Variants in DNER observed in about 807,000 individuals in gnomAD.
DNER encodes delta and Notch-like epidermal growth factor-related receptor.
A neutral mutation model predicts 78.2 loss-of-function variants in DNER; 33 were observed. The ratio of observed to expected loss-of-function variants is 0.42; its 90% confidence interval spans 0.32 to 0.56. DNER has a LOEUF of 0.56. DNER is among the 20% of genes least tolerant of loss of function. The pLI is 0.11. For missense variants in DNER, 918 were observed against 975.3 expected (o/e 0.94, Z 0.78); for synonymous variants, 417 against 384.8 (o/e 1.08, Z -0.98).
chr2:229,367,258 G>C (rs188004526), intron 11 of DNER, 139 bp from the exon 12 acceptor site: 5 of 1,245,484 alleles, frequency 4.0e-6, no homozygotes, highest in African/African-American at 1.5e-5. Context: ...GGATTATCCA[G>C]ACCCAGGGTT....
Position 229,359,560 on chromosome 2 carries a change from A to T in DNER, c.2103-909T>A, listed in dbSNP as rs572464115. On this transcript the variant is annotated intron_variant, in intron 12 of 12. Coordinates refer to ENST00000341772, the MANE Select transcript of DNER (RefSeq NM_139072.4). ...TGGACAACATTTTTTAATTGTTTCA[A>T]TTCCACCAGGGCTCTTTAAAAAGAC... Among the ~76,000 whole-genome samples, 6 of 152,240 alleles carry T rather than the reference A, an allele frequency of 3.9e-5. No individual in the cohort carries two copies. The South Asian group carries it at 1.0e-3, about 26-fold the overall frequency.
chr2:229,450,717 A>G (rs1694437395), intron 7 of DNER, among the ~76,000 whole-genome samples: 1 of 152,242 alleles, frequency 6.6e-6, no homozygotes, highest in South Asian at 2.1e-4. Context: ...GTGAGGAGGA[A>G]GCAAGAGGGT....
intron 6 of DNER, among the ~76,000 whole-genome samples, chr2:229,485,031 T>G (rs1438424395): frequency 6.6e-6 from 1 of 152,234 alleles, no homozygotes; most frequent in Non-Finnish European, 1.5e-5. Context: ...AATTGGGATA[T>G]TCTATGAATA....
Position 229,626,670 on chromosome 2 carries a change from T to G in DNER, c.277-34782A>C, listed in dbSNP as rs550028815. Among the ~76,000 whole-genome samples the G allele has an allele frequency of 1.4e-4, 22 of 152,294 alleles. No individual in the cohort carries two copies. The East Asian group carries it at 4.2e-3, about 29-fold the overall frequency. ...TTCCCATATAAAGTAAATTAATAAA[T>G]CAATACAACCAACAAAAAGGCAGCA... On this transcript the variant is annotated intron_variant, in intron 1 of 12. Coordinates refer to ENST00000341772, the MANE Select transcript of DNER (RefSeq NM_139072.4).
chr2:229,526,050 T>G (rs1440303971), intron 5 of DNER, among the ~76,000 whole-genome samples: 1 of 152,182 alleles, frequency 6.6e-6, no homozygotes. Flanking sequence ...AATGTGTTTC[T>G]CCAGATTAAT....
chr2:229,668,781 A>G (rs1300924798), intron 1 of DNER, among the ~76,000 whole-genome samples: 3 of 151,660 alleles, frequency 2.0e-5, no homozygotes, highest in Non-Finnish European at 4.4e-5. Flanking sequence ...AGGAGTGTAA[A>G]TTAGTTCAAC....
intron 7 of DNER, among the ~76,000 whole-genome samples, chr2:229,458,075 G>T (rs1302200226): frequency 7.3e-6 from 1 of 136,406 alleles, no homozygotes; most frequent in Non-Finnish European, 1.5e-5. Flanking sequence ...GGCAGAGGTT[G>T]CAGTGAGCTG....
At chr2:229,683,650 GTGA>G (rs1227130843) in intron 1 of DNER, among the ~76,000 whole-genome samples, 14 of 152,092 alleles carry the variant, frequency 9.2e-5, no homozygotes, top group Non-Finnish European at 2.1e-4. Context: ...GATGATGGTG[GTGA>G]TGATGATGAT....
chr2:229,577,857 A>G (rs1295388224), intron 4 of DNER, among the ~76,000 whole-genome samples: 2 of 152,228 alleles, frequency 1.3e-5, no homozygotes, highest in East Asian at 3.8e-4. Flanking sequence ...AAAGATCCTT[A>G]AAAATATATA....
At chr2:229,571,339 C>A (rs189080891) in intron 4 of DNER, among the ~76,000 whole-genome samples, 2 of 152,074 alleles carry the variant, frequency 1.3e-5, no homozygotes, top group South Asian at 4.1e-4. Flanking sequence ...AAATCTCAAA[C>A]CTTGAAATTC....
intron 6 of DNER, among the ~76,000 whole-genome samples, chr2:229,491,370 C>G (rs1695395966): frequency 6.6e-6 from 1 of 152,306 alleles, no homozygotes; most frequent in Middle Eastern, 3.4e-3. Context: ...TCTGGGCCCT[C>G]TTTCATGAGG....
At chr2:229,399,555 G>T (rs1284700979) in intron 10 of DNER, among the ~76,000 whole-genome samples, 6 of 151,884 alleles carry the variant, frequency 4.0e-5, no homozygotes, top group Admixed American at 3.9e-4. Context: ...TATATGAAAA[G>T]GCTAAGGATC....
chr2:229,422,495 G>T (rs573539654), intron 8 of DNER, among the ~76,000 whole-genome samples: 87 of 152,272 alleles, frequency 5.7e-4, no homozygotes, highest in African/African-American at 2.0e-3. Context: ...CAGATGGGGG[G>T]AGTGAGAAAG....
At chr2:229,543,147 T>G (rs1271638807) in intron 5 of DNER, among the ~76,000 whole-genome samples, 2 of 149,208 alleles carry the variant, frequency 1.3e-5, no homozygotes, top group African/African-American at 5.0e-5. Context: ...CCCTAAAACT[T>G]AAAGTATTAA....
intron 4 of DNER, among the ~76,000 whole-genome samples, chr2:229,558,818 A>G (rs1031169571): frequency 1.4e-4 from 21 of 152,144 alleles, no homozygotes; most frequent in Non-Finnish European, 4.4e-5. Context: ...AAAGCTGGGG[A>G]GGTCAGTGTG....
At chr2:229,455,942 C>A (rs1433836088) in intron 7 of DNER, among the ~76,000 whole-genome samples, 3 of 151,936 alleles carry the variant, frequency 2.0e-5, no homozygotes, top group African/African-American at 7.3e-5. Context: ...GAGATTTGAA[C>A]CCAGGCAGTC....
chr2:229,568,988 T>G (rs1697163937), intron 4 of DNER, among the ~76,000 whole-genome samples: 1 of 152,146 alleles, frequency 6.6e-6, no homozygotes, highest in Admixed American at 6.5e-5. Context: ...TGTATCTATG[T>G]GTGTGCATAT....
intron 5 of DNER, among the ~76,000 whole-genome samples, chr2:229,530,271 T>C (rs1022946366): frequency 4.6e-5 from 7 of 152,186 alleles, no homozygotes; most frequent in African/African-American, 1.4e-4. Context: ...ATATTGCCAC[T>C]GTGCAAAAAC....
rs570550122 is a variant in DNER, at chr2:229,505,779, A to G, written c.1147+7004T>C. ...AACAATATGATGTAAATGTCAATGT[A>G]AAAAGATATTATTTTTGAAACTTGT... On this transcript the variant is annotated intron_variant, in intron 6 of 12. Coordinates refer to ENST00000341772, the MANE Select transcript of DNER (RefSeq NM_139072.4). 5.3e-5 allele frequency among the ~76,000 whole-genome samples: 8 copies of G among 152,344 alleles called. No individual in the cohort carries two copies. In the East Asian group the frequency reaches 1.2e-3, roughly 22 times the overall value.
Sources: allele counts gnomAD v4.1 joint callset (sites outside exome capture counted in the v4.1 genomes callset), GRCh38; gene constraint gnomAD v4.1.1; transcripts MANE v1.5; gene names NCBI Gene and HGNC (gene_info 2026-07-23, HGNC 2026-07-21).